The following GJB5 variants were observed in gnomAD, a reference collection of about 807,000 sequenced individuals.
The protein encoded by GJB5 is gap junction protein beta 5, also known as gap junction beta-5 protein.
For missense variants in GJB5, 333 were observed against 357.9 expected (o/e 0.93, Z 0.56); for synonymous variants, 146 against 145.5 (o/e 1.00, Z -0.02).
intron 1 of GJB5, 64 bp from the exon 2 acceptor site, chr1:34,757,243 C>A: frequency 2.3e-6 from 2 of 888,380 alleles, no homozygotes; most frequent in Non-Finnish European, 3.6e-6. Context: ...TGACATATTT[C>A]TACAAAGTGC....
Position 34,757,378 on chromosome 1 carries a change from C to T in GJB5, c.48C>T (p.Tyr16=). The change falls in exon 2 of 2, where the codon TAC becomes TAT. Residue 16 remains tyrosine (Y), a synonymous_variant. Coordinates refer to ENST00000338513, the MANE Select transcript of GJB5 (RefSeq NM_005268.4). ...GACTCCTGAGTGGGGTCAACAAGTA[C>T]TCCACAGCCTTTGGGCGCATCTGGC... ...FEGLLSGVNK[Y]STAFGRIWLS... is the part of the protein sequence containing the mutation. 1 of 1,614,180 alleles carries T rather than the reference C, an allele frequency of 6.2e-7. No individual in the cohort carries two copies. The highest frequency in any genetic ancestry group is 1.1e-5 in the South Asian group (1 of 91,082).
chr1:34,758,211 C>T lies in GJB5; in HGVS notation c.*59C>T. On this transcript the variant is annotated 3_prime_UTR_variant, in exon 2 of 2. Transcript: ENST00000338513. ...TGGATGGGGAGGCTCTAGCATCTCT[C>T]ATAGGTGCAACCTGAGAGTGGGGGA... 1 of 1,318,852 alleles carries T rather than the reference C, an allele frequency of 7.6e-7. No individual in the cohort carries two copies. 81.7% of individuals were successfully genotyped at this position (1,318,852 alleles called of 1,614,324 possible).
chr1:34,758,317 C>T lies in GJB5; in HGVS notation c.*165C>T. The T allele has an allele frequency of 1.6e-6, 1 of 624,728 alleles. No homozygotes were observed. The highest frequency in any genetic ancestry group is 2.9e-6 in the Non-Finnish European group (1 of 346,020). The allele number at this position is 624,728 out of a possible 1,614,324, so 38.7% of individuals were successfully genotyped here. On this transcript the variant is annotated 3_prime_UTR_variant, in exon 2 of 2. Coordinates refer to ENST00000338513, the MANE Select transcript of GJB5 (RefSeq NM_005268.4). ...AGTTCCTAGTCCTCAACTCCAGCCA[C>T]CTGCCCCAGCTCGACGGCACTGGGC... is the stretch of plus-strand genomic sequence containing the variant.
intron 1 of GJB5, among the ~76,000 whole-genome samples, chr1:34,756,897 C>T (rs903690260): frequency 6.6e-6 from 1 of 152,162 alleles, no homozygotes; most frequent in Admixed American, 6.5e-5. Flanking sequence ...AAGGAGAGAA[C>T]CATCTCAAGG....
Position 34,757,433 on chromosome 1 carries a change from G to A in GJB5, c.103G>A (p.Val35Met), listed in dbSNP as rs369856004. 6.2e-7 allele frequency: 1 copy of A among 1,614,178 alleles called. No homozygotes were observed. Among genetic ancestry groups the A allele is most frequent in the African/African-American group, 1.3e-5 (1 of 75,036 alleles). Residue 35 changes from valine to methionine, a missense_variant, in exon 2 of 2, where the codon GTG (valine) becomes ATG (methionine). Val to Met is a conservative substitution (Grantham distance 21). Coordinates refer to ENST00000338513, the MANE Select transcript of GJB5 (RefSeq NM_005268.4). The stretch of plus-strand genomic sequence containing the variant: ...TCTGGTCTTCATCTTCCGCGTGCTG[G>A]TGTACCTGGTGACGGCCGAGCGTGT... ...LSLVFIFRVL[V>M]YLVTAERVWS...
Position 34,756,230 on chromosome 1 carries a change from G to C in GJB5, c.-25+1035G>C, listed in dbSNP as rs187337242. 1.3e-3 allele frequency among the ~76,000 whole-genome samples: 201 copies of C among 152,314 alleles called. 1 individual carries two copies. Among genetic ancestry groups the C allele is most frequent in the Middle Eastern group, 3.4e-3 (1 of 294 alleles). On this transcript the variant is annotated intron_variant, in intron 1 of 1. Transcript: ENST00000338513. ...TCTCCAGGAATCAGGCAGAGGACTC[G>C]CGGGTGAGGAAGTGGGGACCCCTTA...
intron 1 of GJB5, among the ~76,000 whole-genome samples, 184 bp from the exon 2 acceptor site, chr1:34,757,123 T>C (rs900813796): frequency 6.6e-6 from 1 of 152,274 alleles, no homozygotes; most frequent in Non-Finnish European, 1.5e-5. Context: ...CTGCACCTAA[T>C]AGTTGTGTAA....
At position 34,758,098 on chromosome 1, in the gene GJB5, T is replaced by A. The variant is rs1311893923; in HGVS notation, c.768T>A (p.His256Gln). Residue 256 changes from histidine to glutamine, a missense_variant, in exon 2 of 2, where the codon CAT becomes CAA. Transcript: ENST00000338513. ...TCATCTTTCTGGGCTCAGACAGTCA[T>A]CCTCCTCTCTTACCAGACCGCCCCC... is the stretch of plus-strand genomic sequence containing the variant. ...GDLIFLGSDS[H>Q]PPLLPDRPRD... is the part of the protein sequence containing the mutation. 3 of 1,613,926 alleles carry A rather than the reference T, an allele frequency of 1.9e-6. No homozygotes were observed. The highest frequency in any genetic ancestry group is 1.7e-6 in the Non-Finnish European group (2 of 1,180,004).
intron 1 of GJB5, among the ~76,000 whole-genome samples, chr1:34,755,852 C>T (rs1410776828): frequency 2.6e-5 from 4 of 152,334 alleles, no homozygotes; most frequent in African/African-American, 7.2e-5. Flanking sequence ...AGCTGTGTGA[C>T]GTTGAGCAAG....
chr1:34,757,299 C>T lies in GJB5; in HGVS notation c.-24-8C>T. The T allele has an allele frequency of 7.1e-7, 1 of 1,416,298 alleles. No individual in the cohort carries two copies. The highest frequency in any genetic ancestry group is 9.9e-7 in the Non-Finnish European group (1 of 1,007,334). 87.7% of individuals were successfully genotyped at this position (1,416,298 alleles called of 1,614,324 possible). A position where few individuals can be genotyped will look rare whatever the true frequency, so the allele number is the denominator to read the frequency against. ...ATGTAGGAAATGATTGTTCTTGTTT[C>T]CCTGCAGTAGCAGCTGACGCGTGGG... is the stretch of plus-strand genomic sequence containing the variant. On this transcript the variant is annotated splice_region_variant and splice_polypyrimidine_tract_variant and intron_variant, in intron 1 of 1. Coordinates refer to ENST00000338513, the MANE Select transcript of GJB5 (RefSeq NM_005268.4).
chr1:34,757,018 G>T (rs77802077), intron 1 of GJB5, among the ~76,000 whole-genome samples: 6 of 152,156 alleles, frequency 3.9e-5, no homozygotes, highest in African/African-American at 1.2e-4. Flanking sequence ...CCTCAGGCCC[G>T]GGGAGGAATG....
intron 1 of GJB5, among the ~76,000 whole-genome samples, chr1:34,755,974 T>C (rs1639574738): frequency 6.6e-6 from 1 of 152,228 alleles, no homozygotes; most frequent in South Asian, 2.1e-4. Flanking sequence ...ACAAAGAACT[T>C]AGAGCGGTGC....
In GJB5 at chr1:34,758,259, G is replaced by A. The variant is rs1639637250; in HGVS notation, c.*107G>A. On this transcript the variant is annotated 3_prime_UTR_variant, in exon 2 of 2. Coordinates refer to ENST00000338513, the MANE Select transcript of GJB5 (RefSeq NM_005268.4). ...GGAGCTAAGCCATGAGGTAGGGGCAGGCAAGAGAGAGGATTCAGACGCTCT... is the reference window on the plus strand; with the variant it reads ...GGAGCTAAGCCATGAGGTAGGGGCAAGCAAGAGAGAGGATTCAGACGCTCT... 2.4e-6 allele frequency: 2 copies of A among 834,620 alleles called. No individual in the cohort carries two copies. The highest frequency in any genetic ancestry group is 1.7e-5 in the African/African-American group (1 of 58,154). 51.7% of individuals were successfully genotyped at this position (834,620 alleles called of 1,614,324 possible).
At chr1:34,756,072 T>C (rs1316055422) in intron 1 of GJB5, among the ~76,000 whole-genome samples, 3 of 152,210 alleles carry the variant, frequency 2.0e-5, no homozygotes, top group Non-Finnish European at 4.4e-5. Flanking sequence ...GAGAGCCTGG[T>C]GAGCTTCAGC....
In GJB5 at chr1:34,757,937, G is replaced by C. The variant is rs372372941; in HGVS notation, c.607G>C (p.Val203Leu). Residue 203 changes from valine (V) to leucine (L), a missense_variant, in exon 2 of 2, where the codon GTG (valine) becomes CTG (leucine). Transcript: ENST00000338513. Reference protein sequence around the residue: ...TAAICILLNLVELIYLVSKRC... With the variant: ...TAAICILLNLLELIYLVSKRC... ...TGCCATCTGCATCCTGCTCAACCTC[G>C]TGGAGCTCATCTACCTGGTGAGCAA... 1.2e-6 allele frequency: 2 copies of C among 1,613,778 alleles called. No individual in the cohort carries two copies. Among genetic ancestry groups the C allele is most frequent in the Non-Finnish European group, 1.7e-6 (2 of 1,179,990 alleles).
In GJB5 at chr1:34,758,188, G is replaced by A. The variant is rs1639635048; in HGVS notation, c.*36G>A. On this transcript the variant is annotated 3_prime_UTR_variant, in exon 2 of 2. Transcript: ENST00000338513. ...GGACTGGTCTGGCAGGTTGGGCCTG[G>A]ATGGGGAGGCTCTAGCATCTCTCAT... 1 of 1,528,848 alleles carries A rather than the reference G, an allele frequency of 6.5e-7. No individual in the cohort carries two copies. Among genetic ancestry groups the A allele is most frequent in the Non-Finnish European group, 9.0e-7 (1 of 1,108,504 alleles). The allele number at this position is 1,528,848 out of a possible 1,614,324, so 94.7% of individuals were successfully genotyped here.
chr1:34,756,182 G>C (rs1428758492), intron 1 of GJB5, among the ~76,000 whole-genome samples: 1 of 152,150 alleles, frequency 6.6e-6, no homozygotes, highest in Admixed American at 6.5e-5. Context: ...CACAGTGCAT[G>C]GGTCTTAATG....
chr1:34,756,046 T>A (rs1177309896), intron 1 of GJB5, among the ~76,000 whole-genome samples: 2 of 152,224 alleles, frequency 1.3e-5, no homozygotes, highest in Non-Finnish European at 2.9e-5. Context: ...TTGCAGTTGA[T>A]CATGCAGAGG....
At position 34,758,393 on chromosome 1, in the gene GJB5, G is replaced by A. The variant is rs1332942170; in HGVS notation, c.*241G>A. 5.2e-6 allele frequency: 3 copies of A among 578,612 alleles called. No individual in the cohort carries two copies. The highest frequency in any genetic ancestry group is 3.1e-5 in the Admixed American group (1 of 32,470). The allele number at this position is 578,612 out of a possible 1,614,324, so 35.8% of individuals were successfully genotyped here. ...GGTTTCCTTTTCTAGAATGGAAATAGTGAGGGCCAATGCCCAGGGTTGGAG... is the reference window on the plus strand; with the variant it reads ...GGTTTCCTTTTCTAGAATGGAAATAATGAGGGCCAATGCCCAGGGTTGGAG... On this transcript the variant is annotated 3_prime_UTR_variant, in exon 2 of 2. Coordinates refer to ENST00000338513, the MANE Select transcript of GJB5 (RefSeq NM_005268.4).
Sources: allele counts gnomAD v4.1 joint callset (sites outside exome capture counted in the v4.1 genomes callset), GRCh38; gene constraint gnomAD v4.1.1; transcripts MANE v1.5; gene names NCBI Gene and HGNC (gene_info 2026-07-23, HGNC 2026-07-21).